Variants in ADGRV1 observed in about 807,000 individuals in gnomAD.
ADGRV1 encodes adhesion G protein-coupled receptor V1.
A neutral mutation model predicts 596.2 loss-of-function variants in ADGRV1; 359 were observed. That is an observed-to-expected ratio of 0.60 (90% confidence interval 0.55 to 0.66). ADGRV1 has a LOEUF of 0.66. ADGRV1 is among the 30% of genes least tolerant of loss of function. The probability of loss-of-function intolerance (pLI) is 0.00; values close to 1 mark genes in which losing one functional copy is unlikely to be tolerated. For missense variants in ADGRV1, 7,274 were observed against 7,575.6 expected (o/e 0.96, Z 1.48); for synonymous variants, 2,681 against 2,679.2 (o/e 1.00, Z -0.02).
intron 59 of ADGRV1, among the ~76,000 whole-genome samples, chr5:90,765,507 T>A (rs1238290729): frequency 6.6e-6 from 1 of 151,420 alleles, no homozygotes; most frequent in East Asian, 1.9e-4. Flanking sequence ...TTTTTTGAAG[T>A]TTTTATTGCT....
intron 28 of ADGRV1, among the ~76,000 whole-genome samples, 151 bp from the exon 29 acceptor site, chr5:90,685,627 TAA>T: frequency 6.7e-6 from 1 of 148,746 alleles, no homozygotes; most frequent in South Asian, 2.1e-4. Context: ...AATAAATAAA[TAA>T]ATAAATAAAT....
chr5:90,704,698 G>A (rs1462518066), intron 36 of ADGRV1, among the ~76,000 whole-genome samples: 2 of 152,134 alleles, frequency 1.3e-5, no homozygotes, highest in Non-Finnish European at 2.9e-5. Context: ...GAAACGTTTT[G>A]CTAAATGGTT....
At chr5:91,056,492 T>C (rs4454077) in intron 85 of ADGRV1, among the ~76,000 whole-genome samples, 89,130 of 151,688 alleles carry the variant, frequency 0.59, 26,883 homozygotes, top group South Asian at 0.68. Context: ...TACGAGAAGA[T>C]GACACTTCAA....
At chr5:90,564,462 C>T (rs1755273755) in intron 1 of ADGRV1, among the ~76,000 whole-genome samples, 1 of 152,060 alleles carries the variant, frequency 6.6e-6, no homozygotes, top group Middle Eastern at 3.4e-3. Flanking sequence ...GTGTTTTGTC[C>T]CAGACACGTA....
At chr5:90,968,976 C>G (rs1778717023) in intron 84 of ADGRV1, among the ~76,000 whole-genome samples, 1 of 152,132 alleles carries the variant, frequency 6.6e-6, no homozygotes, top group Admixed American at 6.6e-5. Flanking sequence ...TGCGTATCTT[C>G]AGTCTTAGAA....
intron 28 of ADGRV1, among the ~76,000 whole-genome samples, chr5:90,684,483 TGAGTG>T (rs1473936143): frequency 6.6e-6 from 1 of 152,054 alleles, no homozygotes; most frequent in Non-Finnish European, 1.5e-5. Context: ...GATTTCTGGA[TGAGTG>T]GATTCATCCA....
intron 85 of ADGRV1, among the ~76,000 whole-genome samples, chr5:91,065,522 A>G (rs1421867809): frequency 6.6e-6 from 1 of 152,200 alleles, no homozygotes; most frequent in Admixed American, 6.5e-5. Context: ...AATCTCATGC[A>G]CAGGGAGTTC....
chr5:91,118,179 T>C (rs2126730654), intron 87 of ADGRV1, among the ~76,000 whole-genome samples: 1 of 152,196 alleles, frequency 6.6e-6, no homozygotes, highest in Middle Eastern at 3.4e-3. Context: ...GTTCTTCATA[T>C]AGAAGTCATG....
At chr5:90,978,519 A>G (rs1009557281) in intron 84 of ADGRV1, among the ~76,000 whole-genome samples, 4 of 152,080 alleles carry the variant, frequency 2.6e-5, no homozygotes, top group Non-Finnish European at 5.9e-5. Flanking sequence ...TGATAGCACA[A>G]CAGGGTGATT....
rs756836783 is a variant in ADGRV1 at position 90,591,221 on chromosome 5, G to A, written c.23-23614G>A. Among the ~76,000 whole-genome samples, 347 of 152,102 alleles carry A rather than the reference G, an allele frequency of 2.3e-3. 3 individuals carry two copies. The highest frequency in any genetic ancestry group is 5.7e-4 in the Non-Finnish European group (39 of 67,990). On this transcript the variant is annotated intron_variant, in intron 1 of 89. Transcript: ENST00000405460. ...AGCCTGAGCAACGTGGTGAAATCCCGTCCTTACTAAAAATACAAAAAATTA... is the reference window on the plus strand; with the variant it reads ...AGCCTGAGCAACGTGGTGAAATCCCATCCTTACTAAAAATACAAAAAATTA...
chr5:91,132,058 C>T (rs958456206), intron 87 of ADGRV1, among the ~76,000 whole-genome samples: 2 of 152,094 alleles, frequency 1.3e-5, no homozygotes, highest in African/African-American at 4.8e-5. Flanking sequence ...AGATATGCTT[C>T]CCCATTGTTT....
At chr5:91,075,719 T>A (rs1481637941) in intron 86 of ADGRV1, among the ~76,000 whole-genome samples, 2 of 152,164 alleles carry the variant, frequency 1.3e-5, no homozygotes, top group African/African-American at 4.8e-5. Context: ...TCTTCTCCAT[T>A]TCATTATCTC....
intron 29 of ADGRV1, among the ~76,000 whole-genome samples, chr5:90,688,452 G>A (rs1561530228): frequency 6.6e-6 from 1 of 152,110 alleles, no homozygotes. Context: ...CCGCCTCCCG[G>A]GTTCAAGATT....
chr5:91,060,072 T>A (rs1787265140), intron 85 of ADGRV1, among the ~76,000 whole-genome samples: 1 of 152,202 alleles, frequency 6.6e-6, no homozygotes, highest in Non-Finnish European at 1.5e-5. Context: ...GCAACAGAGC[T>A]GAGTATTGGA....
intron 44 of ADGRV1, 63 bp downstream of exon 44, chr5:90,720,286 A>T (rs1293336568): frequency 2.8e-6 from 3 of 1,059,326 alleles, no homozygotes; most frequent in Middle Eastern, 5.1e-4. Context: ...ATTTTTTGAC[A>T]TAAGAAAATG....
At chr5:90,746,072 T>C (rs1754593527) in intron 52 of ADGRV1, among the ~76,000 whole-genome samples, 1 of 152,178 alleles carries the variant, frequency 6.6e-6, no homozygotes, top group Non-Finnish European at 1.5e-5. Flanking sequence ...TACAAGTTGA[T>C]CTTGGTCTGA....
chr5:90,934,819 G>A (rs1410505488), intron 83 of ADGRV1, among the ~76,000 whole-genome samples: 1 of 152,272 alleles, frequency 6.6e-6, no homozygotes, highest in East Asian at 1.9e-4. Context: ...CTCTTCTCTT[G>A]GCTTTTAGGT....
At chr5:90,645,216 C>T (rs1339635960) in intron 15 of ADGRV1, among the ~76,000 whole-genome samples, 7 of 152,122 alleles carry the variant, frequency 4.6e-5, no homozygotes, top group Non-Finnish European at 7.3e-5. Context: ...GACACGGGGT[C>T]GCATGAGTCA....
At chr5:90,987,202 C>T (rs376942046) in intron 85 of ADGRV1, among the ~76,000 whole-genome samples, 3 of 152,050 alleles carry the variant, frequency 2.0e-5, no homozygotes, top group African/African-American at 4.8e-5. Context: ...GACCAGAGGC[C>T]GGGCGTGGTA....
Sources: gnomAD v4.1 joint callset for allele counts (sites outside exome capture counted in the v4.1 genomes callset) on GRCh38, gnomAD v4.1.1 for gene constraint, MANE v1.5 for transcripts, NCBI Gene and HGNC (gene_info 2026-07-23, HGNC 2026-07-21) for gene names.